The following CRISPLD2 variants were observed in gnomAD, a reference collection of about 807,000 sequenced individuals.
The protein encoded by CRISPLD2 is cysteine-rich secretory protein LCCL domain-containing 2.
In CRISPLD2, 47 loss-of-function variants were observed where a neutral mutation model predicts 71.1. The ratio of observed to expected loss-of-function variants is 0.66; its 90% CI spans 0.52 to 0.84. CRISPLD2 has a LOEUF of 0.84. Among genes scored for constraint, CRISPLD2 ranks in the 40% least tolerant of loss-of-function variants. The probability of loss-of-function intolerance (pLI) is 0.00; values close to 1 mark genes in which losing one functional copy is unlikely to be tolerated. For synonymous variants in CRISPLD2, 317 were observed against 250.1 expected, an observed-to-expected ratio of 1.27 and a Z score of -2.52; for missense variants, 830 against 651.1, an observed-to-expected ratio of 1.27 and a Z score of -2.99.
intron 5 of CRISPLD2, among the ~76,000 whole-genome samples, chr16:84,851,655 G>A (rs559745855): frequency 8.9e-4 from 136 of 152,310 alleles, no homozygotes; most frequent in African/African-American, 1.6e-3. Context: ...TGAGCGCAGC[G>A]GGTGTGTCAT....
chr16:84,825,878 GC>G (rs1916339343), intron 1 of CRISPLD2, among the ~76,000 whole-genome samples: 1 of 152,212 alleles, frequency 6.6e-6, no homozygotes, highest in South Asian at 2.1e-4. Flanking sequence ...GAAGACTTGA[GC>G]CCAGGAGGCT....
At chr16:84,863,731 A>G (rs1917453381) in intron 6 of CRISPLD2, among the ~76,000 whole-genome samples, 1 of 152,164 alleles carries the variant, frequency 6.6e-6, no homozygotes. Flanking sequence ...ACACTTTGGG[A>G]GGCTGAGGCG....
chr16:84,842,854 C>G (rs1179254997), intron 2 of CRISPLD2, among the ~76,000 whole-genome samples: 1 of 152,172 alleles, frequency 6.6e-6, no homozygotes, highest in Non-Finnish European at 1.5e-5. Context: ...GGCCCCACGT[C>G]TCTCTGGAGA....
chr16:84,903,394 C>T (rs1255642517), intron 14 of CRISPLD2, among the ~76,000 whole-genome samples: 1 of 152,056 alleles, frequency 6.6e-6, no homozygotes, highest in African/African-American at 2.4e-5. Context: ...GGCCAAGAGA[C>T]CAGCCTGGCC....
At chr16:84,820,991 C>G (rs1567675075) in intron 1 of CRISPLD2, among the ~76,000 whole-genome samples, 1 of 152,212 alleles carries the variant, frequency 6.6e-6, no homozygotes, top group African/African-American at 2.4e-5. Flanking sequence ...GGGAGGACTT[C>G]GCTGATGCCT....
intron 13 of CRISPLD2, among the ~76,000 whole-genome samples, chr16:84,884,445 G>C (rs1389363056): frequency 1.3e-5 from 2 of 152,212 alleles, no homozygotes; most frequent in African/African-American, 4.8e-5. Context: ...AGAAAGGCGG[G>C]GCTCTGGGGT....
At chr16:84,834,302 C>A (rs1241993244) in intron 1 of CRISPLD2, among the ~76,000 whole-genome samples, 1 of 152,214 alleles carries the variant, frequency 6.6e-6, no homozygotes, top group Non-Finnish European at 1.5e-5. Flanking sequence ...TTGGCAAGCC[C>A]GGGACCACTT....
intron 9 of CRISPLD2, 121 bp from the exon 10 acceptor site, chr16:84,872,871 T>A (rs1300398592): frequency 2.4e-6 from 3 of 1,254,094 alleles, no homozygotes; most frequent in African/African-American, 1.5e-5. Flanking sequence ...AGGAGCAGAG[T>A]GAGCTTTGGC....
chr16:84,832,983 T>C (rs1916524241), intron 1 of CRISPLD2, among the ~76,000 whole-genome samples: 1 of 152,184 alleles, frequency 6.6e-6, no homozygotes, highest in South Asian at 2.1e-4. Flanking sequence ...AGGGGTGCGG[T>C]TGGAGAGCTC....
intron 8 of CRISPLD2, 33 bp from the exon 9 acceptor site, chr16:84,872,409 T>A (rs1377683100): frequency 6.3e-7 from 1 of 1,577,798 alleles, no homozygotes; most frequent in Non-Finnish European, 8.7e-7. Flanking sequence ...AACGTGCTTA[T>A]CTCTGAACAT....
chr16:84,899,182 GC>G (rs2071731992), intron 14 of CRISPLD2, among the ~76,000 whole-genome samples: 1 of 152,142 alleles, frequency 6.6e-6, no homozygotes, highest in African/African-American at 2.4e-5. Flanking sequence ...GAGCCACTGT[GC>G]CCCGCCTGAG....
chr16:84,880,608 A>C, intron 13 of CRISPLD2, 24 bp downstream of exon 13: 1 of 1,602,058 alleles, frequency 6.2e-7, no homozygotes, highest in Non-Finnish European at 8.6e-7. Context: ...ATTTTCAACA[A>C]CTATCTCGCA....
At chr16:84,841,534 G>A (rs1026591934) in intron 2 of CRISPLD2, among the ~76,000 whole-genome samples, 6 of 150,496 alleles carry the variant, frequency 4.0e-5, no homozygotes, top group African/African-American at 1.2e-4. Context: ...GCTGAAATGG[G>A]GGTAAAAAAG....
chr16:84,906,486 G>C, intron 14 of CRISPLD2, 102 bp from the exon 15 acceptor site: 1 of 1,199,820 alleles, frequency 8.3e-7, no homozygotes, highest in Non-Finnish European at 1.2e-6. Context: ...CTTCCACTAC[G>C]GGAGCAAGCA....
chr16:84,888,506 A>T (rs2071632552), intron 13 of CRISPLD2, among the ~76,000 whole-genome samples: 1 of 152,204 alleles, frequency 6.6e-6, no homozygotes, highest in South Asian at 2.1e-4. Flanking sequence ...TGATGTCAGA[A>T]ACCAGCACAT....
chr16:84,849,488 T>G lies in CRISPLD2; in HGVS notation c.463T>G (p.Ser155Ala), dbSNP rs1917018957. The G allele has an allele frequency of 1.2e-6, 2 of 1,614,074 alleles. No homozygotes were observed. The highest frequency in any genetic ancestry group is 1.7e-6 in the Non-Finnish European group (2 of 1,179,970). Residue 155 changes from serine (S) to alanine (A), a missense_variant, in exon 4 of 15, where the codon TCG becomes GCG. By Grantham distance (99) the Ser-to-Ala change is moderately conservative. Transcript: ENST00000262424. Reference sequence around the variant, plus strand: ...CAACCCCTGGTGTCCAGAGAGGTGCTCGGGGCCCATGTGCACGCACTACAC... The same window carrying G: ...CAACCCCTGGTGTCCAGAGAGGTGCGCGGGGCCCATGTGCACGCACTACAC... The part of the protein sequence containing the change: ...ECNPWCPERC[S>A]GPMCTHYTQI...
At chr16:84,834,234 G>T (rs1174384802) in intron 1 of CRISPLD2, among the ~76,000 whole-genome samples, 1 of 152,232 alleles carries the variant, frequency 6.6e-6, no homozygotes, top group Non-Finnish European at 1.5e-5. Context: ...CGCAGGGCAG[G>T]TCTTCCCCGG....
chr16:84,841,029 C>G lies in CRISPLD2; in HGVS notation c.240+2294C>G, dbSNP rs140318895. 2.7e-3 allele frequency among the ~76,000 whole-genome samples: 414 copies of G among 152,334 alleles called. No individual in the cohort carries two copies. The Middle Eastern group carries it at 0.041, about 15-fold the overall frequency. ...TCCCCGTCCACACGGCACCTCCGGA[C>G]TAGTGTAGCCAGGAAGTATTTGTGG... is the stretch of plus-strand genomic sequence containing the variant. On this transcript the variant is annotated intron_variant, in intron 2 of 14. Transcript: ENST00000262424.
At chr16:84,876,644 T>G (rs2071520944) in intron 11 of CRISPLD2, among the ~76,000 whole-genome samples, 1 of 151,942 alleles carries the variant, frequency 6.6e-6, no homozygotes. Flanking sequence ...AATACAAAAA[T>G]TAGCTGGCTG....
Sources: allele counts gnomAD v4.1 joint callset (sites outside exome capture counted in the v4.1 genomes callset), GRCh38; gene constraint gnomAD v4.1.1; transcripts MANE v1.5; gene names NCBI Gene and HGNC (gene_info 2026-07-23, HGNC 2026-07-21).